The following CNTN5 variants were observed in gnomAD, a reference collection of about 807,000 sequenced individuals.
The protein encoded by CNTN5 is contactin-5.
In CNTN5, 77 loss-of-function variants were observed where a neutral mutation model predicts 129.1. The observed-to-expected ratio is 0.60, with a 90% CI of 0.50 to 0.72. The LOEUF is 0.72. CNTN5 is among the 30% of genes least tolerant of loss of function. CNTN5 has a pLI of 0.00. For synonymous variants in CNTN5, 509 were observed against 465.6 expected (o/e 1.09, Z -1.20); for missense variants, 1,478 against 1,328.8 (o/e 1.11, Z -1.75).
chr11:99,888,896 A>G (rs1371423442), intron 6 of CNTN5, among the ~76,000 whole-genome samples: 3 of 152,322 alleles, frequency 2.0e-5, no homozygotes, highest in Admixed American at 2.0e-4. Context: ...ACATTATGTC[A>G]TTTACTAAAT....
chr11:99,035,234 A>C (rs1863650955), intron 1 of CNTN5, among the ~76,000 whole-genome samples: 2 of 149,732 alleles, frequency 1.3e-5, no homozygotes, highest in South Asian at 4.3e-4. Context: ...TGCTGAAAAA[A>C]ATGTATATTC....
chr11:99,311,040 TC>T (rs1341560544), intron 1 of CNTN5, among the ~76,000 whole-genome samples: 1 of 152,152 alleles, frequency 6.6e-6, no homozygotes, highest in African/African-American at 2.4e-5. Context: ...CAAGCAATTC[TC>T]CTGCCTCAGC....
chr11:99,578,784 G>A (rs1039620412), intron 3 of CNTN5, among the ~76,000 whole-genome samples: 1 of 152,144 alleles, frequency 6.6e-6, no homozygotes, highest in South Asian at 2.1e-4. Flanking sequence ...TAGGTTGCCT[G>A]TTCATTCTGA....
chr11:99,806,652 C>T (rs117466385), intron 3 of CNTN5, among the ~76,000 whole-genome samples: 8,455 of 151,672 alleles, frequency 0.056, 331 homozygotes, highest in Middle Eastern at 0.13. Context: ...GCTAAAAATA[C>T]GAAAATTAGT....
intron 21 of CNTN5, chr11:100,309,495 T>C (rs1006235838): frequency 4.1e-6 from 4 of 968,258 alleles, no homozygotes; most frequent in African/African-American, 1.8e-5. Flanking sequence ...TACAATATCA[T>C]GGACTTATTT....
At chr11:99,620,919 T>A (rs928235455) in intron 3 of CNTN5, among the ~76,000 whole-genome samples, 1 of 117,874 alleles carries the variant, frequency 8.5e-6, no homozygotes, top group African/African-American at 2.8e-5. Context: ...CTAACTATAC[T>A]TAGAATTTTT....
intron 1 of CNTN5, among the ~76,000 whole-genome samples, chr11:99,158,099 G>C (rs1860423139): frequency 6.6e-6 from 1 of 152,112 alleles, no homozygotes; most frequent in Non-Finnish European, 1.5e-5. Context: ...CAATATTAAA[G>C]AAAATTAATT....
chr11:99,174,799 ATTAAC>A (rs967145163), intron 1 of CNTN5, among the ~76,000 whole-genome samples: 3 of 151,872 alleles, frequency 2.0e-5, no homozygotes, highest in African/African-American at 7.2e-5. Flanking sequence ...TTTTTCATTA[ATTAAC>A]TTATTAATGC....
chr11:100,088,839 T>C (rs72998849), intron 13 of CNTN5, among the ~76,000 whole-genome samples: 35,676 of 151,886 alleles, frequency 0.23, 4,607 homozygotes, highest in South Asian at 0.34. Flanking sequence ...TCTACTGAAA[T>C]GATTCCAAAA....
chr11:99,489,405 A>C (rs2135344070), intron 2 of CNTN5, among the ~76,000 whole-genome samples: 1 of 152,280 alleles, frequency 6.6e-6, no homozygotes. Flanking sequence ...ATTCCCCTAA[A>C]GATTTAGAGC....
intron 1 of CNTN5, among the ~76,000 whole-genome samples, chr11:99,061,120 C>T (rs1418454108): frequency 6.6e-6 from 1 of 152,084 alleles, no homozygotes; most frequent in Non-Finnish European, 1.5e-5. Context: ...CCACCACTAG[C>T]CCATGATGCT....
intron 7 of CNTN5, among the ~76,000 whole-genome samples, chr11:99,929,905 C>A (rs578131097): frequency 3.3e-5 from 5 of 152,100 alleles, no homozygotes; most frequent in Non-Finnish European, 7.3e-5. Context: ...AGATTTAAGG[C>A]AGAAATGAGA....
intron 1 of CNTN5, among the ~76,000 whole-genome samples, chr11:99,253,718 A>T (rs949523756): frequency 6.6e-6 from 1 of 151,622 alleles, no homozygotes; most frequent in Non-Finnish European, 1.5e-5. Flanking sequence ...AATTTTTATT[A>T]TACATATAAT....
chr11:100,185,902 A>T (rs1290724907), intron 13 of CNTN5, among the ~76,000 whole-genome samples: 1 of 152,214 alleles, frequency 6.6e-6, no homozygotes, highest in African/African-American at 2.4e-5. Flanking sequence ...AGTCTTCAGA[A>T]TTGTGAGGAA....
intron 1 of CNTN5, among the ~76,000 whole-genome samples, chr11:99,110,585 G>A (rs1857744256): frequency 6.6e-6 from 1 of 152,042 alleles, no homozygotes; most frequent in African/African-American, 2.4e-5. Flanking sequence ...TTTAGGATTT[G>A]AGATTATTTT....
intron 6 of CNTN5, among the ~76,000 whole-genome samples, chr11:99,876,447 G>A (rs1948634830): frequency 6.6e-6 from 1 of 152,042 alleles, no homozygotes; most frequent in African/African-American, 2.4e-5. Flanking sequence ...TTTGTTCCAG[G>A]CAATGCATGA....
chr11:100,286,691 C>G (rs1391738739), intron 18 of CNTN5, among the ~76,000 whole-genome samples: 2 of 150,136 alleles, frequency 1.3e-5, no homozygotes, highest in Admixed American at 1.3e-4. Flanking sequence ...CTCTAAAAAG[C>G]AGAGTGCCTC....
Position 99,315,445 on chromosome 11 carries a change from T to A in CNTN5, c.-209-9901T>A, listed in dbSNP as rs1055515047. 4.0e-5 allele frequency among the ~76,000 whole-genome samples: 6 copies of A among 148,788 alleles called. 1 individual carries two copies. The highest frequency in any genetic ancestry group is 7.5e-5 in the Non-Finnish European group (5 of 66,440). On this transcript the variant is annotated intron_variant, in intron 1 of 24. Coordinates refer to ENST00000524871, the MANE Select transcript of CNTN5 (RefSeq NM_014361.4). ...TAGCAGACTTCAGCCATTGCCAGAG[T>A]GAGGAAAGCACCAGGTTGAACTTTG...
chr11:99,377,810 G>A (rs572495818), intron 2 of CNTN5, among the ~76,000 whole-genome samples: 56 of 152,186 alleles, frequency 3.7e-4, no homozygotes, highest in African/African-American at 1.3e-3. Flanking sequence ...AGAAGACCTT[G>A]CAATTTTGCC....
Sources: gnomAD v4.1 joint callset for allele counts (sites outside exome capture counted in the v4.1 genomes callset) on GRCh38, gnomAD v4.1.1 for gene constraint, MANE v1.5 for transcripts, NCBI Gene and HGNC (gene_info 2026-07-23, HGNC 2026-07-21) for gene names.